The following SLC25A21 variants were observed in gnomAD, a reference collection of about 807,000 sequenced individuals.
SLC25A21 encodes the protein mitochondrial 2-oxodicarboxylate carrier.
SLC25A21 carries 47 observed loss-of-function variants against 43.8 expected under a neutral mutation model. The ratio of observed to expected loss-of-function variants is 1.07; its 90% confidence interval spans 0.85 to 1.37. The LOEUF is 1.37. Ranked by LOEUF, SLC25A21 falls within the 40% of genes most tolerant of loss-of-function variation. SLC25A21 has a pLI of 0.00. For synonymous variants in SLC25A21, 131 were observed against 121.3 expected (o/e 1.08, Z -0.52); for missense variants, 352 against 350.2 (o/e 1.00, Z -0.04).
intron 1 of SLC25A21, among the ~76,000 whole-genome samples, chr14:36,915,603 A>C (rs1167806591): frequency 6.6e-6 from 1 of 152,106 alleles, no homozygotes; most frequent in East Asian, 1.9e-4. Flanking sequence ...CATGCCCTTT[A>C]GCTTGCTGTG....
chr14:36,697,559 G>T (rs903309281), intron 7 of SLC25A21, among the ~76,000 whole-genome samples: 2 of 152,034 alleles, frequency 1.3e-5, no homozygotes, highest in African/African-American at 4.8e-5. Context: ...CTCTTTGTAG[G>T]TCTCTAAGGA....
At chr14:36,796,369 A>G (rs1887669729) in intron 3 of SLC25A21, among the ~76,000 whole-genome samples, 1 of 147,692 alleles carries the variant, frequency 6.8e-6, no homozygotes, top group African/African-American at 2.6e-5. Flanking sequence ...TTATTTATTT[A>G]TTTATTTCTC....
intron 2 of SLC25A21, among the ~76,000 whole-genome samples, chr14:36,871,149 T>A (rs990393992): frequency 6.6e-6 from 1 of 150,886 alleles, no homozygotes; most frequent in Non-Finnish European, 1.5e-5. Context: ...TATGGTGAAA[T>A]CCAACCCCGC....
intron 1 of SLC25A21, among the ~76,000 whole-genome samples, chr14:36,914,713 C>T (rs1185689583): frequency 6.6e-6 from 1 of 151,698 alleles, no homozygotes; most frequent in Non-Finnish European, 1.5e-5. Context: ...TATCTTGCAC[C>T]AAATAGTCAT....
At position 36,904,258 on chromosome 14, in the gene SLC25A21, A is replaced by G. The variant is rs539902930; in HGVS notation, c.71-29254T>C. Among the ~76,000 whole-genome samples the G allele has an allele frequency of 1.4e-3, 218 of 152,340 alleles. 1 individual carries two copies. The highest frequency in any genetic ancestry group is 4.5e-3 in the African/African-American group (189 of 41,592). The stretch of plus-strand genomic sequence containing the variant: ...ATGGAGAAATAAATGGGTTGCTCAC[A>G]TATCATTCGGGAGAATCTGAAATAA... On this transcript the variant is annotated intron_variant, in intron 1 of 9. Coordinates refer to ENST00000331299, the MANE Select transcript of SLC25A21 (RefSeq NM_030631.4).
chr14:36,977,339 A>G (rs1959900331), intron 1 of SLC25A21, among the ~76,000 whole-genome samples: 1 of 152,176 alleles, frequency 6.6e-6, no homozygotes, highest in Non-Finnish European at 1.5e-5. Flanking sequence ...ACTCTGTCTC[A>G]TATTCTTTGC....
intron 1 of SLC25A21, among the ~76,000 whole-genome samples, chr14:36,954,503 G>A (rs1959281902): frequency 6.6e-6 from 1 of 150,824 alleles, no homozygotes; most frequent in African/African-American, 2.4e-5. Flanking sequence ...ATATATATAA[G>A]AAATAATATA....
chr14:36,963,160 C>T (rs1046867528), intron 1 of SLC25A21, among the ~76,000 whole-genome samples: 29 of 152,234 alleles, frequency 1.9e-4, no homozygotes, highest in African/African-American at 6.5e-4. Context: ...ATAGGACCCC[C>T]TTTCCACAAA....
chr14:37,001,661 A>C (rs570679596), intron 1 of SLC25A21, among the ~76,000 whole-genome samples: 1 of 152,024 alleles, frequency 6.6e-6, no homozygotes, highest in African/African-American at 2.4e-5. Context: ...ATATTTGCTA[A>C]GCGCTACTTC....
intron 1 of SLC25A21, among the ~76,000 whole-genome samples, chr14:36,906,754 C>T (rs778880440): frequency 6.6e-6 from 1 of 152,098 alleles, no homozygotes; most frequent in East Asian, 1.9e-4. Flanking sequence ...TCCACCCCCT[C>T]AGCCTCCCAA....
At chr14:36,740,846 C>A (rs1885225225) in intron 3 of SLC25A21, among the ~76,000 whole-genome samples, 2 of 152,124 alleles carry the variant, frequency 1.3e-5, no homozygotes, top group Non-Finnish European at 2.9e-5. Flanking sequence ...TTTTAGGTTA[C>A]CCTGTTTTTA....
intron 6 of SLC25A21, among the ~76,000 whole-genome samples, chr14:36,718,605 T>G (rs889909517): frequency 6.6e-6 from 1 of 152,208 alleles, no homozygotes; most frequent in Non-Finnish European, 1.5e-5. Flanking sequence ...GTTTAAACAT[T>G]TGTTGATCTT....
intron 3 of SLC25A21, among the ~76,000 whole-genome samples, chr14:36,800,524 T>C (rs1328358310): frequency 6.6e-6 from 1 of 152,126 alleles, no homozygotes; most frequent in African/African-American, 2.4e-5. Context: ...ATGAGATACC[T>C]AGAGTAGTCA....
intron 1 of SLC25A21, among the ~76,000 whole-genome samples, chr14:37,049,386 C>A (rs1229557604): frequency 6.6e-6 from 1 of 152,028 alleles, no homozygotes; most frequent in Non-Finnish European, 1.5e-5. Flanking sequence ...CCAGCCTGGG[C>A]AACATGGTGA....
chr14:37,044,389 G>A (rs1042031076), intron 1 of SLC25A21, among the ~76,000 whole-genome samples: 1 of 152,012 alleles, frequency 6.6e-6, no homozygotes, highest in African/African-American at 2.4e-5. Context: ...GCAAACATAA[G>A]CATGTTTCTT....
chr14:37,003,257 T>G (rs957867952), intron 1 of SLC25A21, among the ~76,000 whole-genome samples: 1 of 152,242 alleles, frequency 6.6e-6, no homozygotes, highest in African/African-American at 2.4e-5. Context: ...CAAAGCATCC[T>G]TTTGTACAGC....
At chr14:37,027,931 T>C (rs1594758606) in intron 1 of SLC25A21, among the ~76,000 whole-genome samples, 1 of 152,192 alleles carries the variant, frequency 6.6e-6, no homozygotes, top group Non-Finnish European at 1.5e-5. Flanking sequence ...ACTTTACCTA[T>C]AAACCTTTTC....
intron 1 of SLC25A21, among the ~76,000 whole-genome samples, chr14:37,013,741 C>G (rs1002488967): frequency 6.6e-6 from 1 of 152,036 alleles, no homozygotes; most frequent in Non-Finnish European, 1.5e-5. Context: ...CGTTTATTTC[C>G]TTATTCTTTC....
intron 1 of SLC25A21, among the ~76,000 whole-genome samples, chr14:37,040,999 G>A (rs1348150331): frequency 1.3e-5 from 2 of 152,118 alleles, no homozygotes; most frequent in Non-Finnish European, 2.9e-5. Flanking sequence ...TTAGATGGAT[G>A]TAACTGTGCA....
Sources: allele counts gnomAD v4.1 joint callset (sites outside exome capture counted in the v4.1 genomes callset), GRCh38; gene constraint gnomAD v4.1.1; transcripts MANE v1.5; gene names NCBI Gene and HGNC (gene_info 2026-07-23, HGNC 2026-07-21).